The following SCAF11 variants were observed in gnomAD, a reference collection of about 807,000 sequenced individuals.
SCAF11 encodes protein SCAF11.
SCAF11 carries 47 observed loss-of-function variants against 140.5 expected under a neutral mutation model. The observed-to-expected ratio is 0.33, with a 90% CI of 0.26 to 0.43. The LOEUF is 0.43. Ranked by LOEUF, SCAF11 falls within the 20% of genes least tolerant of loss-of-function variation. The pLI, the probability that SCAF11 is intolerant of heterozygous loss-of-function variation, is 1.00. For synonymous variants in SCAF11, 557 were observed against 579.4 expected, an observed-to-expected ratio of 0.96 and a Z score of 0.55; for missense variants, 1,645 against 1,705.1, an observed-to-expected ratio of 0.96 and a Z score of 0.62.
chr12:45,926,710 T>C lies in SCAF11; in HGVS notation c.2991A>G (p.Arg997=). The stretch of plus-strand genomic sequence containing the variant: ...CTAGATGGATGTCATTTTTTTCTTT[T>C]CTTGTATTTTCATTCTGTTTCTCTG... ...NDPEKQNENT[R]KEKNDIHLDA... is the part of the protein sequence containing the mutation. Residue 997 remains arginine (R), a synonymous_variant, in exon 11 of 15, where the codon AGA becomes AGG. Coordinates refer to ENST00000369367, the MANE Select transcript of SCAF11 (RefSeq NM_004719.3). 1 of 1,613,242 alleles carries C rather than the reference T, an allele frequency of 6.2e-7. No homozygotes were observed. The highest frequency in any genetic ancestry group is 1.7e-4 in the Middle Eastern group (1 of 6,060).
intron 5 of SCAF11, 77 bp from the exon 6 acceptor site, chr12:45,945,390 C>A: frequency 1.2e-6 from 1 of 839,550 alleles, no homozygotes; most frequent in East Asian, 2.5e-5. Flanking sequence ...ACTCATTCTC[C>A]TCCATCAAAA....
At chr12:45,954,455 T>G (rs1945629228) in intron 3 of SCAF11, among the ~76,000 whole-genome samples, 1 of 152,160 alleles carries the variant, frequency 6.6e-6, no homozygotes, top group South Asian at 2.1e-4. Context: ...CAGGGTGGTC[T>G]TGGACTCCTG....
intron 6 of SCAF11, among the ~76,000 whole-genome samples, chr12:45,944,204 A>C (rs1301873859): frequency 6.6e-6 from 1 of 152,236 alleles, no homozygotes; most frequent in Non-Finnish European, 1.5e-5. Flanking sequence ...TCATAAAAAA[A>C]GAATGCTAAT....
In SCAF11 at chr12:45,990,482, G is replaced by A. The variant is rs1214859831; in HGVS notation, c.-151C>T. On this transcript the variant is annotated 5_prime_UTR_variant, in exon 1 of 15. Coordinates refer to ENST00000369367, the MANE Select transcript of SCAF11 (RefSeq NM_004719.3). Reference sequence around the variant, plus strand: ...CTTTGTGGTGTTACAGGGTCTCTAGGACACTGACTCCGCTGGCTCGGTCCG... The same window carrying A: ...CTTTGTGGTGTTACAGGGTCTCTAGAACACTGACTCCGCTGGCTCGGTCCG... 8.1e-7 allele frequency: 1 copy of A among 1,231,874 alleles called. No homozygotes were observed. The highest frequency in any genetic ancestry group is 1.0e-6 in the Non-Finnish European group (1 of 988,156). The allele number at this position is 1,231,874 out of a possible 1,614,324, so 76.3% of individuals were successfully genotyped here. A position where few individuals can be genotyped will look rare whatever the true frequency, so the allele number is the denominator to read the frequency against.
In SCAF11 at chr12:45,930,768, A is replaced by G. The variant is rs367847152; in HGVS notation, c.841+738T>C. Among the ~76,000 whole-genome samples the G allele has an allele frequency of 3.4e-4, 51 of 152,170 alleles. 1 individual carries two copies. In the South Asian group the frequency reaches 5.6e-3, roughly 17 times the overall value. On this transcript the variant is annotated intron_variant, in intron 10 of 14. Coordinates refer to ENST00000369367, the MANE Select transcript of SCAF11 (RefSeq NM_004719.3). ...AACTTGTTATCATAGATTTGTATAT[A>G]TTTTATGGTAGTAAATGATGAAATA...
chr12:45,922,345 G>A lies in SCAF11; in HGVS notation c.4245+118C>T, dbSNP rs1256169446. On this transcript the variant is annotated intron_variant, in intron 14 of 14. Coordinates refer to ENST00000369367, the MANE Select transcript of SCAF11 (RefSeq NM_004719.3). ...CACAAACTAATCAAAAGGCAAAAAA[G>A]TAGACAGGAATTAGTAGGAGCTAGC... 5 of 1,481,782 alleles carry A rather than the reference G, an allele frequency of 3.4e-6. No individual in the cohort carries two copies. The East Asian group carries it at 1.2e-4, about 34-fold the overall frequency. The allele number at this position is 1,481,782 out of a possible 1,614,324, so 91.8% of individuals were successfully genotyped here. A position where few individuals can be genotyped will look rare whatever the true frequency, so the allele number is the denominator to read the frequency against.
intron 3 of SCAF11, among the ~76,000 whole-genome samples, chr12:45,953,441 G>C (rs1306790302): frequency 6.6e-6 from 1 of 152,140 alleles, no homozygotes; most frequent in Non-Finnish European, 1.5e-5. Context: ...CACTTTGAGA[G>C]GCCAAGGCAG....
chr12:45,939,844 T>C (rs939358979), intron 6 of SCAF11, among the ~76,000 whole-genome samples: 3 of 152,242 alleles, frequency 2.0e-5, no homozygotes, highest in Non-Finnish European at 4.4e-5. Flanking sequence ...AAAAGAAATT[T>C]AAATTATCCT....
At chr12:45,935,409 A>G (rs735351) in intron 6 of SCAF11, among the ~76,000 whole-genome samples, 1 of 152,048 alleles carries the variant, frequency 6.6e-6, no homozygotes, top group Non-Finnish European at 1.5e-5. Flanking sequence ...GAGTTCCGGA[A>G]CTTACTGCCT....
chr12:45,938,680 CGAAAG>C (rs1165534518), intron 6 of SCAF11, among the ~76,000 whole-genome samples: 1 of 151,616 alleles, frequency 6.6e-6, no homozygotes, highest in Non-Finnish European at 1.5e-5. Context: ...AACACTAATC[CGAAAG>C]GATGTTTCAT....
At chr12:45,970,084 C>T (rs1421942229) in intron 1 of SCAF11, among the ~76,000 whole-genome samples, 3 of 152,174 alleles carry the variant, frequency 2.0e-5, no homozygotes, top group Non-Finnish European at 2.9e-5. Flanking sequence ...TTAGGAGAGA[C>T]GGGGTTTCAC....
chr12:45,982,839 T>C (rs1946378327), intron 1 of SCAF11, among the ~76,000 whole-genome samples: 1 of 152,206 alleles, frequency 6.6e-6, no homozygotes. Flanking sequence ...GCTAAATAAC[T>C]ACTGTGGTCA....
intron 6 of SCAF11, 69 bp from the exon 7 acceptor site, chr12:45,934,574 T>G: frequency 9.9e-7 from 1 of 1,006,720 alleles, no homozygotes; most frequent in Admixed American, 2.7e-5. Context: ...TAAACCAGCA[T>G]CGATACCAGC....
At chr12:45,977,355 A>G (rs1264927014) in intron 1 of SCAF11, among the ~76,000 whole-genome samples, 1 of 152,172 alleles carries the variant, frequency 6.6e-6, no homozygotes, top group African/African-American at 2.4e-5. Flanking sequence ...CTCAAAAGGC[A>G]ACATATTCTA....
intron 1 of SCAF11, chr12:45,975,265 C>T (rs1946207644): frequency 6.6e-6 from 1 of 152,268 alleles, no homozygotes; most frequent in East Asian, 1.9e-4. Flanking sequence ...TCACCAGCTG[C>T]ATTAGCCCCT....
chr12:45,922,431 C>T lies in SCAF11; in HGVS notation c.4245+32G>A, dbSNP rs768727780. On this transcript the variant is annotated intron_variant, in intron 14 of 14. Transcript: ENST00000369367. The stretch of plus-strand genomic sequence containing the variant: ...TTAAAACAGAGGTGGTTCAAAACAA[C>T]GTGCACATACTCCACTAAAGCCATA... 14 of 1,587,032 alleles carry T rather than the reference C, an allele frequency of 8.8e-6. No homozygotes were observed. In the East Asian group the frequency reaches 1.6e-4, roughly 18 times the overall value.
In SCAF11 at chr12:45,928,715, G is replaced by C; in HGVS notation, c.986C>G (p.Ala329Gly). 4.3e-6 allele frequency: 7 copies of C among 1,614,026 alleles called. No individual in the cohort carries two copies. Among genetic ancestry groups the C allele is most frequent in the Non-Finnish European group, 5.9e-6 (7 of 1,179,976 alleles). The change falls in exon 11 of 15, where the codon GCT becomes GGT. Residue 329 changes from alanine to glycine, a missense_variant. Physicochemically the swap from Ala to Gly is moderately conservative, Grantham distance 60. This residue lies in a region of SCAF11 where 1,582 missense variants were observed against 1,609.2 expected (regional missense o/e 0.98). Transcript: ENST00000369367. ...TCTCTGAGACTGACTGGCTGTTTCA[G>C]CTCTTGTGTTACGTGTAGACCTCCT... The part of the protein sequence containing the change: ...PTRRSTRNTR[A>G]ETASQSQRSP...
At chr12:45,974,968 T>C (rs937464833) in intron 1 of SCAF11, 30 of 152,292 alleles carry the variant, frequency 2.0e-4, no homozygotes, top group African/African-American at 6.5e-4. Context: ...AAAATGGATG[T>C]TGTGTTAGCA....
chr12:45,926,864 C>G lies in SCAF11; in HGVS notation c.2837G>C (p.Arg946Thr), dbSNP rs764384816. The G allele has an allele frequency of 6.2e-7, 1 of 1,613,954 alleles. No homozygotes were observed. Among genetic ancestry groups the G allele is most frequent in the East Asian group, 2.2e-5 (1 of 44,880 alleles). ...AAATGATGAACTCTTACTTTTTGTT[C>G]TACATCTTGAGGGGGACCTAGAATG... ...RSHSRSPSRC[R>T]TKSKSSSFGR... Residue 946 changes from arginine to threonine, a missense_variant, in exon 11 of 15, where the codon AGA becomes ACA. Arg to Thr is a moderately conservative substitution (Grantham distance 71). Transcript: ENST00000369367.
Sources: gnomAD v4.1 joint callset for allele counts (sites outside exome capture counted in the v4.1 genomes callset) on GRCh38, gnomAD v4.1.1 for gene constraint, gnomAD v4.1.1 regional missense constraint, MANE v1.5 for transcripts, NCBI Gene and HGNC (gene_info 2026-07-23, HGNC 2026-07-21) for gene names.